Variants in LIMCH1 observed in about 807,000 individuals in gnomAD.
LIMCH1 encodes LIM and calponin homology domains-containing protein 1.
LIMCH1 carries 113 observed loss-of-function variants against 176.5 expected under a neutral mutation model. That is an observed-to-expected ratio of 0.64 (90% CI 0.55 to 0.75). The LOEUF (loss-of-function observed/expected upper bound fraction) is 0.75. Among genes scored for constraint, LIMCH1 ranks in the 30% least tolerant of loss-of-function variants. LIMCH1 has a pLI of 0.00. For synonymous variants in LIMCH1, 619 were observed against 645.9 expected, an observed-to-expected ratio of 0.96 and a Z score of 0.63; for missense variants, 1,674 against 1,814.9, an observed-to-expected ratio of 0.92 and a Z score of 1.41.
intron 1 of LIMCH1, among the ~76,000 whole-genome samples, chr4:41,457,007 A>G (rs1013794343): frequency 4.6e-5 from 7 of 152,194 alleles, no homozygotes; most frequent in African/African-American, 1.7e-4. Flanking sequence ...GGCTAAGACC[A>G]TCAGAGCTTG....
intron 1 of LIMCH1, among the ~76,000 whole-genome samples, chr4:41,539,356 C>T (rs992749902): frequency 2.0e-5 from 3 of 152,114 alleles, no homozygotes; most frequent in Non-Finnish European, 4.4e-5. Flanking sequence ...GGGTGGGTTC[C>T]GCACAAGGTG....
chr4:41,381,637 G>GTACC (rs2055686893), intron 1 of LIMCH1, among the ~76,000 whole-genome samples: 1 of 152,138 alleles, frequency 6.6e-6, no homozygotes, highest in African/African-American at 2.4e-5. Flanking sequence ...AAGTGATGAG[G>GTACC]TGCCTGTTCC....
At chr4:41,516,764 C>T (rs543335904) in intron 2 of LIMCH1, among the ~76,000 whole-genome samples, 2 of 152,132 alleles carry the variant, frequency 1.3e-5, no homozygotes, top group African/African-American at 4.8e-5. Flanking sequence ...ATTTTTCCCC[C>T]TAGAAAATGT....
intron 1 of LIMCH1, among the ~76,000 whole-genome samples, chr4:41,412,819 T>G (rs905342185): frequency 6.6e-6 from 1 of 152,120 alleles, no homozygotes; most frequent in Non-Finnish European, 1.5e-5. Flanking sequence ...GGATCCACCA[T>G]GTCAAGAGAA....
intron 2 of LIMCH1, among the ~76,000 whole-genome samples, chr4:41,501,886 T>G (rs57249320): frequency 1.0e-5 from 1 of 97,936 alleles, no homozygotes; most frequent in Admixed American, 9.8e-5. Flanking sequence ...TTTTTTTTTT[T>G]AAAAAAAACC....
chr4:41,482,895 T>C (rs1007251871), intron 1 of LIMCH1, among the ~76,000 whole-genome samples: 6 of 152,170 alleles, frequency 3.9e-5, no homozygotes, highest in Admixed American at 6.5e-5. Context: ...TGATTTAGCT[T>C]ATGCTGGGGG....
chr4:41,530,819 A>AAAAAAAAC (rs1561650483), intron 3 of LIMCH1, among the ~76,000 whole-genome samples: 1 of 84,734 alleles, frequency 1.2e-5, no homozygotes. Flanking sequence ...AAAAAAAAAA[A>AAAAAAAAC]TTTTTTTTTT....
chr4:41,493,269 C>CT (rs1459593823), intron 1 of LIMCH1, among the ~76,000 whole-genome samples: 1 of 151,892 alleles, frequency 6.6e-6, no homozygotes, highest in Non-Finnish European at 1.5e-5. Flanking sequence ...TCCCCTCTCC[C>CT]TTTTTTGTTG....
intron 1 of LIMCH1, among the ~76,000 whole-genome samples, chr4:41,402,133 A>T (rs1436644114): frequency 6.6e-6 from 1 of 152,210 alleles, no homozygotes; most frequent in Non-Finnish European, 1.5e-5. Flanking sequence ...TTTACAAGAA[A>T]AAAACAAACA....
In LIMCH1 at chr4:41,633,732, C is replaced by G. The variant is rs2152878758; in HGVS notation, c.2014C>G (p.Gln672Glu). Residue 672 changes from glutamine to glutamate, a missense_variant, in exon 13 of 32, where the codon CAG becomes GAG. Around this residue, in one of 3 missense-constraint regions of LIMCH1, gnomAD observed 1,015 missense variants for 1,102.5 expected, o/e 0.92. Coordinates refer to ENST00000503057, the MANE Select transcript of LIMCH1 (RefSeq NM_001330672.2). The part of the protein sequence containing the change: ...SLRHTGSNPN[Q>E]FLPVPFAKQQ... ...TAGACACACTGGATCCAACCCAAAC[C>G]AGTTCCTTCCAGTTCCATTTGCAAA... 6.5e-7 allele frequency: 1 copy of G among 1,536,198 alleles called. No individual in the cohort carries two copies. The highest frequency in any genetic ancestry group is 1.7e-4 in the Middle Eastern group (1 of 5,990).
chr4:41,575,667 A>C (rs1350289008), intron 1 of LIMCH1, among the ~76,000 whole-genome samples: 5 of 152,188 alleles, frequency 3.3e-5, no homozygotes, highest in African/African-American at 1.2e-4. Flanking sequence ...ACATTTTGGC[A>C]AGTGTGGGTT....
intron 1 of LIMCH1, among the ~76,000 whole-genome samples, chr4:41,381,181 C>A (rs569119212): frequency 6.6e-6 from 1 of 152,264 alleles, no homozygotes; most frequent in East Asian, 1.9e-4. Flanking sequence ...GATTCTAGCA[C>A]CAAGTGAGTG....
At chr4:41,510,490 A>G (rs1458470435) in intron 2 of LIMCH1, among the ~76,000 whole-genome samples, 1 of 152,158 alleles carries the variant, frequency 6.6e-6, no homozygotes, top group Non-Finnish European at 1.5e-5. Context: ...CCCATGATGA[A>G]GTGTGCAAAA....
intron 1 of LIMCH1, among the ~76,000 whole-genome samples, chr4:41,456,231 C>T (rs1017062860): frequency 6.6e-6 from 1 of 152,180 alleles, no homozygotes; most frequent in Non-Finnish European, 1.5e-5. Flanking sequence ...ATATTTCTCA[C>T]ACAGCTTAAA....
chr4:41,441,516 T>G (rs2062700924), intron 1 of LIMCH1, among the ~76,000 whole-genome samples: 1 of 151,768 alleles, frequency 6.6e-6, no homozygotes, highest in African/African-American at 2.4e-5. Context: ...AAGGTGGGAG[T>G]GGAATTTGCA....
At chr4:41,372,633 T>C (rs1448428558) in intron 1 of LIMCH1, among the ~76,000 whole-genome samples, 1 of 152,206 alleles carries the variant, frequency 6.6e-6, no homozygotes, top group Non-Finnish European at 1.5e-5. Context: ...ATTTCCTATC[T>C]GCTATCAGAA....
chr4:41,489,102 CTA>C (rs1030324736), intron 1 of LIMCH1, among the ~76,000 whole-genome samples: 1 of 152,082 alleles, frequency 6.6e-6, no homozygotes, highest in African/African-American at 2.4e-5. Context: ...CTTTTAGTAT[CTA>C]TAGTATCTGT....
chr4:41,587,376 G>T (rs1185276033), intron 1 of LIMCH1, among the ~76,000 whole-genome samples: 1 of 152,138 alleles, frequency 6.6e-6, no homozygotes, highest in African/African-American at 2.4e-5. Flanking sequence ...CCCTAGACAG[G>T]TCAATATGGG....
At chr4:41,402,900 A>G (rs943702759) in intron 1 of LIMCH1, among the ~76,000 whole-genome samples, 2 of 151,730 alleles carry the variant, frequency 1.3e-5, no homozygotes, top group Non-Finnish European at 2.9e-5. Context: ...TGGGTGCAGC[A>G]CACCAGCATG....
Sources: allele counts gnomAD v4.1 joint callset (sites outside exome capture counted in the v4.1 genomes callset), GRCh38; gene constraint gnomAD v4.1.1; regional missense constraint gnomAD v4.1.1; transcripts MANE v1.5; gene names NCBI Gene and HGNC (gene_info 2026-07-23, HGNC 2026-07-21).